The following ZNF337 variants were observed in gnomAD, a reference collection of about 807,000 sequenced individuals.
The protein encoded by ZNF337 is zinc finger protein 337.
In ZNF337, 8 loss-of-function variants were observed where a neutral mutation model predicts 12.1. The observed-to-expected ratio is 0.66, with a 90% CI of 0.39 to 1.19. The LOEUF is 1.19. Ranked by LOEUF, ZNF337 falls within the 50% of genes most tolerant of loss-of-function variation. The pLI, the probability that ZNF337 is intolerant of heterozygous loss-of-function variation, is 0.01. For synonymous variants in ZNF337, 336 were observed against 320.0 expected, an observed-to-expected ratio of 1.05 and a Z score of -0.53; for missense variants, 882 against 896.6, an observed-to-expected ratio of 0.98 and a Z score of 0.21.
At chr20:25,681,940 G>T (rs2065773315) in intron 4 of ZNF337, among the ~76,000 whole-genome samples, 1 of 152,140 alleles carries the variant, frequency 6.6e-6, no homozygotes, top group South Asian at 2.1e-4. Flanking sequence ...TGCACAGCTG[G>T]GTAAGTAAGC....
At chr20:25,686,324 G>T in intron 2 of ZNF337, 67 bp downstream of exon 2, 3 of 1,504,116 alleles carry the variant, frequency 2.0e-6, no homozygotes, top group Non-Finnish European at 2.8e-6. Context: ...TAATGTAACT[G>T]CTAGGGCCAG....
In ZNF337 at chr20:25,675,309, A is replaced by C. The variant is rs1261820842; in HGVS notation, c.1979T>G (p.Val660Gly). ...CTTCCAGCTGAAGCCTTGCCCACAC[A>C]CATTACACACGAAGGGCTTCTCCCC... ...HSGEKPFVCNVCGQGFSWKRS... is the reference protein window; with the variant it reads ...HSGEKPFVCNGCGQGFSWKRS... The change falls in exon 5 of 5, where the codon GTG (valine) becomes GGG (glycine). Residue 660 changes from valine to glycine, a missense_variant. Coordinates refer to ENST00000252979, the MANE Select transcript of ZNF337 (RefSeq NM_015655.4). The C allele has an allele frequency of 6.2e-7, 1 of 1,613,012 alleles. No individual in the cohort carries two copies. The highest frequency in any genetic ancestry group is 8.5e-7 in the Non-Finnish European group (1 of 1,179,746).
intron 4 of ZNF337, among the ~76,000 whole-genome samples, chr20:25,682,634 A>G (rs1372681314): frequency 9.2e-5 from 14 of 152,092 alleles, no homozygotes; most frequent in Non-Finnish European, 2.1e-4. Context: ...GGAGTTCAAA[A>G]CCAGCCTGGC....
At position 25,675,227 on chromosome 20, in the gene ZNF337, G is replaced by A; in HGVS notation, c.2061C>T (p.Cys687=). ...TGGTATAGCCTCGCTTACACTCCTG[G>A]CAAACAAAAGGCTTCTCCTTTGAGT... ...RIHSKEKPFV[C]QECKRGYTSK... The change falls in exon 5 of 5, where the codon TGC becomes TGT. Residue 687 remains cysteine, a synonymous_variant. Transcript: ENST00000252979. The A allele has an allele frequency of 6.2e-7, 1 of 1,614,170 alleles. No individual in the cohort carries two copies. The highest frequency in any genetic ancestry group is 8.5e-7 in the Non-Finnish European group (1 of 1,180,036).
rs759809389 is a variant in ZNF337, at chr20:25,675,638, C to T, written c.1650G>A (p.Glu550=). 6.2e-7 allele frequency: 1 copy of T among 1,614,086 alleles called. No individual in the cohort carries two copies. The highest frequency in any genetic ancestry group is 1.1e-5 in the South Asian group (1 of 91,072). The change falls in exon 5 of 5, where the codon GAG becomes GAA. Residue 550 remains glutamate, a synonymous_variant. Coordinates refer to ENST00000252979, the MANE Select transcript of ZNF337 (RefSeq NM_015655.4). ...GEKPFMCKQC[E]KSFSLKANLL... is the part of the protein sequence containing the mutation. ...GATTTGCCTTCAAACTAAAACTTTT[C>T]TCACACTGCTTGCACATGAAGGGCT...
At chr20:25,695,491 A>T (rs1046720824) in intron 1 of ZNF337, among the ~76,000 whole-genome samples, 1 of 152,178 alleles carries the variant, frequency 6.6e-6, no homozygotes, top group Non-Finnish European at 1.5e-5. Context: ...ATGAGGTGTA[A>T]ACCCTTTGGA....
chr20:25,678,244 A>G (rs981718361), intron 4 of ZNF337, among the ~76,000 whole-genome samples: 1 of 152,244 alleles, frequency 6.6e-6, no homozygotes, highest in Non-Finnish European at 1.5e-5. Context: ...CTATATGCCA[A>G]TAATAACTAG....
At chr20:25,695,061 A>T (rs1212801063) in intron 1 of ZNF337, among the ~76,000 whole-genome samples, 8 of 152,196 alleles carry the variant, frequency 5.3e-5, no homozygotes. Flanking sequence ...ACCTGAGGTC[A>T]GGAAGTCAAG....
intron 4 of ZNF337, 157 bp from the exon 5 acceptor site, chr20:25,677,194 G>A: frequency 1.5e-6 from 1 of 673,900 alleles, no homozygotes; most frequent in East Asian, 2.8e-5. Flanking sequence ...ATTGAAGCAG[G>A]GCAGGGAGGA....
chr20:25,690,931 C>A (rs2065877787), intron 1 of ZNF337, among the ~76,000 whole-genome samples: 1 of 152,066 alleles, frequency 6.6e-6, no homozygotes, highest in South Asian at 2.1e-4. Context: ...TAATTTCTAA[C>A]AACAACAACA....
intron 4 of ZNF337, among the ~76,000 whole-genome samples, chr20:25,682,658 CCTCT>C (rs901949243): frequency 1.3e-5 from 2 of 151,884 alleles, no homozygotes; most frequent in African/African-American, 2.4e-5. Flanking sequence ...CATGGTGAAA[CCTCT>C]CTCTACTAAA....
In ZNF337 at chr20:25,674,786, C is replaced by T. The variant is rs1171126808; in HGVS notation, c.*246G>A. The T allele has an allele frequency of 3.6e-6, 2 of 552,274 alleles. No individual in the cohort carries two copies. The highest frequency in any genetic ancestry group is 3.8e-5 in the African/African-American group (2 of 53,042). The allele number at this position is 552,274 out of a possible 1,614,324, so 34.2% of individuals were successfully genotyped here. A position where few individuals can be genotyped will look rare whatever the true frequency, so the allele number is the denominator to read the frequency against. On this transcript the variant is annotated 3_prime_UTR_variant, in exon 5 of 5. Coordinates refer to ENST00000252979, the MANE Select transcript of ZNF337 (RefSeq NM_015655.4). ...GAATATGTGCTCAGTAGGAAAGAGA[C>T]CACATTTCCCCAATAGCCCAGGTAA...
At chr20:25,686,511 T>C in intron 1 of ZNF337, 45 bp from the exon 2 acceptor site, 2 of 1,439,806 alleles carry the variant, frequency 1.4e-6, no homozygotes, top group Non-Finnish European at 9.6e-7. Context: ...GCAGCTGCCC[T>C]CCCCATGTGT....
rs200915910 is a variant in ZNF337 at position 25,676,145 on chromosome 20, A to G, written c.1143T>C (p.Cys381=). 4.8e-5 allele frequency: 77 copies of G among 1,613,546 alleles called. No individual in the cohort carries two copies. The highest frequency in any genetic ancestry group is 6.5e-5 in the Non-Finnish European group (77 of 1,179,916). The change falls in exon 5 of 5, where the codon TGT becomes TGC. Residue 381 remains cysteine (C), a synonymous_variant. Coordinates refer to ENST00000252979, the MANE Select transcript of ZNF337 (RefSeq NM_015655.4). ...TTCCTTTCACGCTAAAACTTTGCTT[A>G]CACTGCCTGCACGCAAAGGGCTTCT... is the stretch of plus-strand genomic sequence containing the variant. ...SGEKPFACRQ[C]KQSFSVKGSL... is the part of the protein sequence containing the mutation.
Position 25,676,588 on chromosome 20 carries a change from T to C in ZNF337, c.700A>G (p.Lys234Glu). ...LLHQNTHTGE[K>E]SYVCSVCGRG... is the part of the protein sequence containing the mutation. Reference sequence around the variant, plus strand: ...CCACACACACTGCACACATAGGACTTCTCTCCTGTGTGTGTGTTCTGGTGC... The same window carrying C: ...CCACACACACTGCACACATAGGACTCCTCTCCTGTGTGTGTGTTCTGGTGC... The change falls in exon 5 of 5, where the codon AAG (lysine) becomes GAG (glutamate). Residue 234 changes from lysine to glutamate, a missense_variant. By Grantham distance (56) the Lys-to-Glu change is moderately conservative. Transcript: ENST00000252979. 1 of 1,614,128 alleles carries C rather than the reference T, an allele frequency of 6.2e-7. No individual in the cohort carries two copies. Among genetic ancestry groups the C allele is most frequent in the Non-Finnish European group, 8.5e-7 (1 of 1,179,976 alleles).
intron 4 of ZNF337, among the ~76,000 whole-genome samples, chr20:25,681,446 C>T (rs139427440): frequency 1.7e-3 from 262 of 152,232 alleles, no homozygotes; most frequent in Middle Eastern, 6.8e-3. Context: ...TGGGAAAGAA[C>T]TCCACAGTCT....
At position 25,686,122 on chromosome 20, in the gene ZNF337, C is replaced by T. The variant is rs1450343146; in HGVS notation, c.28G>A (p.Ala10Thr). 2 of 1,613,846 alleles carry T rather than the reference C, an allele frequency of 1.2e-6. No individual in the cohort carries two copies. Among genetic ancestry groups the T allele is most frequent in the Non-Finnish European group, 1.7e-6 (2 of 1,179,948 alleles). Residue 10 changes from alanine to threonine, a missense_variant and splice_region_variant, in exon 3 of 5, where the codon GCT becomes ACT. Physicochemically the swap from Ala to Thr is moderately conservative, Grantham distance 58. Coordinates refer to ENST00000252979, the MANE Select transcript of ZNF337 (RefSeq NM_015655.4). ...GTGACATCCCCAAATGCCAAGAAAG[C>T]CTGTAACACAAAACCCAGGCATGCT... MGPQGARRQ[A>T]FLAFGDVTVD... is the part of the protein sequence containing the mutation.
chr20:25,686,469 G>C lies in ZNF337; in HGVS notation c.-49-3C>G. ...AGGGAAGCTTGCAGATGGCCAATCT[G>C]TGGGAGGAGAGAAGTCAGAGGGTGG... On this transcript the variant is annotated splice_region_variant and splice_polypyrimidine_tract_variant and intron_variant, in intron 1 of 4. Transcript: ENST00000252979. The C allele has an allele frequency of 6.2e-7, 1 of 1,610,056 alleles. No individual in the cohort carries two copies. Among genetic ancestry groups the C allele is most frequent in the Non-Finnish European group, 8.5e-7 (1 of 1,178,062 alleles).
At chr20:25,695,366 TAAG>T (rs1432211849) in intron 1 of ZNF337, among the ~76,000 whole-genome samples, 27 of 152,200 alleles carry the variant, frequency 1.8e-4, no homozygotes, top group Admixed American at 1.7e-3. Context: ...ATCTACATAA[TAAG>T]AACTTTGATC....
Sources: gnomAD v4.1 joint callset for allele counts (sites outside exome capture counted in the v4.1 genomes callset) on GRCh38, gnomAD v4.1.1 for gene constraint, MANE v1.5 for transcripts, NCBI Gene and HGNC (gene_info 2026-07-23, HGNC 2026-07-21) for gene names.